The following CIMAP1D variants were observed in gnomAD, a reference collection of about 807,000 sequenced individuals.
CIMAP1D encodes protein CIMAP1D.
chr19:477,570 G>C, the CIMAP1D span, among the ~76,000 whole-genome samples: 1 of 151,740 alleles, frequency 6.6e-6, no homozygotes, highest in Non-Finnish European at 1.5e-5. Context: ...CTGAGTGACA[G>C]AGCGAGACTC....
the CIMAP1D span, among the ~76,000 whole-genome samples, chr19:484,094 CAT>C: frequency 5.9e-5 from 9 of 151,980 alleles, no homozygotes; most frequent in South Asian, 2.1e-4. Context: ...GCTGTGAACA[CAT>C]GTCTCTCTTG....
the CIMAP1D span, chr19:472,560 TG>T: frequency 8.0e-7 from 1 of 1,254,136 alleles, no homozygotes; most frequent in Non-Finnish European, 1.1e-6. Flanking sequence ...GAAGGAGCCC[TG>T]GACCCAGCTC....
the CIMAP1D span, among the ~76,000 whole-genome samples, chr19:464,661 G>A: frequency 6.6e-6 from 1 of 152,196 alleles, no homozygotes; most frequent in Admixed American, 6.5e-5. Flanking sequence ...CACAGCCTGG[G>A]TTTTCCCCTC....
the CIMAP1D span, among the ~76,000 whole-genome samples, chr19:468,923 AGAC>A: frequency 7.4e-6 from 1 of 134,520 alleles, no homozygotes; most frequent in Admixed American, 7.7e-5. Context: ...AGCGTGGCCC[AGAC>A]ACGGCTCCAG....
At chr19:477,817 G>C in the CIMAP1D span, among the ~76,000 whole-genome samples, 2 of 152,102 alleles carry the variant, frequency 1.3e-5, no homozygotes, top group Non-Finnish European at 2.9e-5. Context: ...CACGCGCCAC[G>C]CCACGGCACG....
At chr19:463,504 C>T in the CIMAP1D span, 11 of 379,302 alleles carry the variant, frequency 2.9e-5, no homozygotes, top group Non-Finnish European at 5.2e-5. Flanking sequence ...CCTAGTGGAG[C>T]TGGACGCCGA....
At chr19:481,520 T>G in the CIMAP1D span, among the ~76,000 whole-genome samples, 2 of 128,262 alleles carry the variant, frequency 1.6e-5, no homozygotes, top group Non-Finnish European at 3.2e-5. Flanking sequence ...TGGGGAAGGA[T>G]GATGGGGAAG....
At chr19:468,398 CAA>C in the CIMAP1D span, among the ~76,000 whole-genome samples, 3 of 152,052 alleles carry the variant, frequency 2.0e-5, no homozygotes, top group Non-Finnish European at 4.4e-5. Context: ...TAAAGAGTGA[CAA>C]GAGCGACTAG....
chr19:482,557 G>A, the CIMAP1D span, among the ~76,000 whole-genome samples: 1 of 152,094 alleles, frequency 6.6e-6, no homozygotes, highest in African/African-American at 2.4e-5. Flanking sequence ...TGCCTTAGTG[G>A]ATGGGCACTT....
At chr19:466,111 G>A in the CIMAP1D span, among the ~76,000 whole-genome samples, 8 of 146,034 alleles carry the variant, frequency 5.5e-5, no homozygotes, top group Admixed American at 4.8e-4. Flanking sequence ...ATGTATGGGT[G>A]AATAGATGGG....
At chr19:485,954 G>C in the CIMAP1D span, among the ~76,000 whole-genome samples, 1 of 152,164 alleles carries the variant, frequency 6.6e-6, no homozygotes, top group East Asian at 1.9e-4. Context: ...TCAGACTCAC[G>C]CGCCCTGCTG....
chr19:479,163 C>G, the CIMAP1D span, among the ~76,000 whole-genome samples: 1 of 152,184 alleles, frequency 6.6e-6, no homozygotes, highest in East Asian at 1.9e-4. Context: ...CAAACTGCGT[C>G]TGCCGTGCAG....
At chr19:481,135 G>GGGGAAGGATGAT in the CIMAP1D span, among the ~76,000 whole-genome samples, 2 of 93,552 alleles carry the variant, frequency 2.1e-5, no homozygotes, top group Middle Eastern at 5.8e-3. Context: ...GAAGGATGAT[G>GGGGAAGGATGAT]GGGAAGGATG....
chr19:483,488 C>T, the CIMAP1D span, among the ~76,000 whole-genome samples: 40,729 of 152,088 alleles, frequency 0.27, 5,438 homozygotes, highest in East Asian at 0.28. Context: ...TCCAGTGACA[C>T]GGAGCTATGA....
chr19:485,662 A>G, the CIMAP1D span, among the ~76,000 whole-genome samples: 1 of 152,216 alleles, frequency 6.6e-6, no homozygotes, highest in Non-Finnish European at 1.5e-5. Flanking sequence ...CCACGGTGCC[A>G]GCCCCAAGTT....
At chr19:476,313 A>G in the CIMAP1D span, among the ~76,000 whole-genome samples, 3 of 151,942 alleles carry the variant, frequency 2.0e-5, no homozygotes, top group Admixed American at 6.6e-5. Context: ...TCAGCCTCCC[A>G]AAGTGCCAGG....
the CIMAP1D span, among the ~76,000 whole-genome samples, chr19:475,310 A>C: frequency 6.6e-6 from 1 of 152,178 alleles, no homozygotes; most frequent in Non-Finnish European, 1.5e-5. Flanking sequence ...CCTACTGTGT[A>C]CCAGCCTCTG....
chr19:465,677 G>A, the CIMAP1D span, among the ~76,000 whole-genome samples: 1 of 134,964 alleles, frequency 7.4e-6, no homozygotes, highest in Non-Finnish European at 1.6e-5. Flanking sequence ...AGATGGATGG[G>A]CAGATAGATG....
the CIMAP1D span, among the ~76,000 whole-genome samples, chr19:469,220 A>AGT: frequency 6.8e-6 from 1 of 147,286 alleles, no homozygotes; most frequent in African/African-American, 2.6e-5. Context: ...GGCTGGGGAG[A>AGT]TTCTTTTTTT....
Sources: allele counts gnomAD v4.1 joint callset (sites outside exome capture counted in the v4.1 genomes callset), GRCh38; gene constraint gnomAD v4.1.1; transcripts MANE v1.5; gene names NCBI Gene and HGNC (gene_info 2026-07-23, HGNC 2026-07-21).